TRIM67: variants seen among roughly 807,000 people sequenced by gnomAD.
TRIM67 encodes tripartite motif containing 67.
A neutral mutation model predicts 71.0 loss-of-function variants in TRIM67; 39 were observed. The observed-to-expected ratio is 0.55, with a 90% CI of 0.43 to 0.72. The LOEUF (loss-of-function observed/expected upper bound fraction) is 0.72, where lower values mean the gene tolerates loss of function less well. Ranked by LOEUF, TRIM67 falls within the 30% of genes least tolerant of loss-of-function variation. The pLI is 0.00. For synonymous variants in TRIM67, 481 were observed against 473.9 expected, an observed-to-expected ratio of 1.01 and a Z score of -0.19; for missense variants, 973 against 1,079.2, an observed-to-expected ratio of 0.90 and a Z score of 1.38.
chr1:231,214,172 G>A (rs577336177), intron 9 of TRIM67, among the ~76,000 whole-genome samples, 195 bp downstream of exon 9: 2 of 152,334 alleles, frequency 1.3e-5, no homozygotes, highest in Admixed American at 1.3e-4. Flanking sequence ...GGACACCCAG[G>A]GGCCCTAAGG....
Position 231,162,847 on chromosome 1 carries a change from T to C in TRIM67, c.-123T>C. On this transcript the variant is annotated 5_prime_UTR_variant, in exon 1 of 10. An upstream start codon of the reference 5' UTR is lost. Coordinates refer to ENST00000366653, the MANE Select transcript of TRIM67 (RefSeq NM_001004342.5). ...GTGCCCCTCGGCTGTGAAGTGGGCA[T>C]GCCCGTGTGATGCCCCCGCCCGTCG... 1.5e-6 allele frequency: 2 copies of C among 1,320,836 alleles called. No individual in the cohort carries two copies. Among genetic ancestry groups the C allele is most frequent in the East Asian group, 2.6e-5 (1 of 39,172 alleles). The allele number at this position is 1,320,836 out of a possible 1,614,324, so 81.8% of individuals were successfully genotyped here.
intron 6 of TRIM67, among the ~76,000 whole-genome samples, chr1:231,206,273 A>T (rs1683693033): frequency 1.3e-5 from 2 of 148,506 alleles, no homozygotes; most frequent in African/African-American, 5.0e-5. Context: ...CTACTAAAAT[A>T]TATATATATA....
chr1:231,184,873 G>C (rs117023265), intron 1 of TRIM67: 182 of 716,286 alleles, frequency 2.5e-4, no homozygotes, highest in East Asian at 2.4e-3. Context: ...GTGAGGACAC[G>C]AAGTCTCACA....
intron 2 of TRIM67, among the ~76,000 whole-genome samples, chr1:231,198,098 C>T (rs886514840): frequency 6.6e-6 from 1 of 152,186 alleles, no homozygotes; most frequent in African/African-American, 2.4e-5. Context: ...TGTCGTCGTC[C>T]TTTGTGGCAT....
rs1034654994 is a variant in TRIM67, at chr1:231,218,624, C to T, written c.*3184C>T. Reference sequence around the variant, plus strand: ...GTTCTCCTTGGGAAAATAATGATTCCAATTAAAGAGGACACCAGTAATACT... The same window carrying T: ...GTTCTCCTTGGGAAAATAATGATTCTAATTAAAGAGGACACCAGTAATACT... On this transcript the variant is annotated 3_prime_UTR_variant, in exon 10 of 10. Transcript: ENST00000366653. 5.8e-5 allele frequency: 57 copies of T among 985,286 alleles called. No individual in the cohort carries two copies. The highest frequency in any genetic ancestry group is 6.9e-5 in the Non-Finnish European group (57 of 829,930). The allele number at this position is 985,286 out of a possible 1,614,324, so 61.0% of individuals were successfully genotyped here.
chr1:231,197,706 T>C (rs1006443694), intron 2 of TRIM67, among the ~76,000 whole-genome samples: 1 of 152,142 alleles, frequency 6.6e-6, no homozygotes, highest in Non-Finnish European at 1.5e-5. Context: ...ATGCCTGTAA[T>C]CCCAGCTACT....
intron 6 of TRIM67, among the ~76,000 whole-genome samples, 157 bp downstream of exon 6, chr1:231,204,169 G>A (rs889623260): frequency 6.6e-6 from 1 of 152,222 alleles, no homozygotes; most frequent in Non-Finnish European, 1.5e-5. Flanking sequence ...GGCGGAGATG[G>A]GGCTTCCCTC....
intron 1 of TRIM67, among the ~76,000 whole-genome samples, chr1:231,176,388 AG>A (rs1682750188): frequency 6.6e-6 from 1 of 152,200 alleles, no homozygotes; most frequent in Admixed American, 6.5e-5. Flanking sequence ...GAGATTAGGA[AG>A]GGGAAGAGGG....
rs1683813349 is a variant in TRIM67 at position 231,209,609 on chromosome 1, TA to T, written c.2123+361del. ...CCAAGCTTGGGTTGCTGCAGGGTGT[TA>T]ATGGGCACCACTGGGGCTGGTGTCC... On this transcript the variant is annotated intron_variant, in intron 8 of 9. Coordinates refer to ENST00000366653, the MANE Select transcript of TRIM67 (RefSeq NM_001004342.5). The surrounding 1 kb of genome is among the most constrained non-coding windows in gnomAD (Gnocchi z 4.1). Among the ~76,000 whole-genome samples the T allele has an allele frequency of 6.6e-6, 1 of 152,210 alleles. No homozygotes were observed. Among genetic ancestry groups the T allele is most frequent in the Non-Finnish European group, 1.5e-5 (1 of 68,032 alleles).
intron 5 of TRIM67, among the ~76,000 whole-genome samples, chr1:231,203,620 C>T (rs1683612745): frequency 6.6e-6 from 1 of 152,184 alleles, no homozygotes; most frequent in African/African-American, 2.4e-5. Context: ...TCTGCCACGG[C>T]CCCCTGAGAT....
rs770103307 is a variant in TRIM67, at chr1:231,204,027, C to T, written c.1680+15C>T. ...GACAGTTCCGGGTGAGGCCTTGCTG[C>T]TTATTTGGCGGGGATTGAGGGTACC... is the stretch of plus-strand genomic sequence containing the variant. On this transcript the variant is annotated intron_variant, in intron 6 of 9. Coordinates refer to ENST00000366653, the MANE Select transcript of TRIM67 (RefSeq NM_001004342.5). The T allele has an allele frequency of 2.5e-6, 4 of 1,613,434 alleles. 1 individual carries two copies. In the South Asian group the frequency reaches 4.4e-5, roughly 18 times the overall value.
At chr1:231,167,772 G>C (rs1682515638) in intron 1 of TRIM67, among the ~76,000 whole-genome samples, 1 of 152,014 alleles carries the variant, frequency 6.6e-6, no homozygotes, top group Admixed American at 6.5e-5. Context: ...ACGTCTTAAG[G>C]CTCTGCCAAA....
At chr1:231,169,991 C>CTTTTTTTTTTTTTTTTTTTTTTTTTT (rs1342320930) in intron 1 of TRIM67, among the ~76,000 whole-genome samples, 1 of 130,176 alleles carries the variant, frequency 7.7e-6, no homozygotes, top group East Asian at 2.1e-4. Flanking sequence ...TTTTCTTTCT[C>CTTTTTTTTTTTTTTTTTTTTTTTTTT]TCTTTTTTTT....
At chr1:231,201,915 T>C (rs922569411) in intron 5 of TRIM67, among the ~76,000 whole-genome samples, 1 of 104,476 alleles carries the variant, frequency 9.6e-6, no homozygotes, top group Non-Finnish European at 2.0e-5. Context: ...ACTAAACAAA[T>C]GTATAATAGA....
chr1:231,181,923 A>G (rs568978177), intron 1 of TRIM67, among the ~76,000 whole-genome samples: 1 of 152,370 alleles, frequency 6.6e-6, no homozygotes, highest in East Asian at 1.9e-4. Flanking sequence ...TAGAAACATA[A>G]GCCTAGCACT....
Position 231,163,212 on chromosome 1 carries a change from C to A in TRIM67, c.243C>A (p.Gly81=). The change falls in exon 1 of 10, where the codon GGC becomes GGA. Residue 81 remains glycine, a synonymous_variant. Transcript: ENST00000366653. ...CTGGCCCGGCCTGCGGCGGTGCAGGCGGGAGTGCAGCTGGCGGCCTCGGCG... is the reference window on the plus strand; with the variant it reads ...CTGGCCCGGCCTGCGGCGGTGCAGGAGGGAGTGCAGCTGGCGGCCTCGGCG... ...AAAGPACGGA[G]GSAAGGLGGG... 2.0e-6 allele frequency: 3 copies of A among 1,495,430 alleles called. No individual in the cohort carries two copies. Among genetic ancestry groups the A allele is most frequent in the East Asian group, 5.5e-5 (2 of 36,536 alleles). The allele number at this position is 1,495,430 out of a possible 1,614,324, so 92.6% of individuals were successfully genotyped here.
chr1:231,184,719 C>T (rs1188943841), intron 1 of TRIM67: 6 of 444,366 alleles, frequency 1.4e-5, no homozygotes, highest in East Asian at 4.2e-5. Flanking sequence ...CTGCAGCTGT[C>T]GGGGAAGCTC....
intron 8 of TRIM67, among the ~76,000 whole-genome samples, chr1:231,212,114 G>C (rs2102764039): frequency 6.6e-6 from 1 of 152,226 alleles, no homozygotes. Context: ...GAAGGGGAGG[G>C]GGACTCAAAT....
intron 5 of TRIM67, among the ~76,000 whole-genome samples, 200 bp downstream of exon 5, chr1:231,201,717 C>A (rs906206773): frequency 6.6e-6 from 1 of 152,168 alleles, no homozygotes; most frequent in Non-Finnish European, 1.5e-5. Context: ...TGAGAAGCAC[C>A]AGTCAGAATC....
Sources: gnomAD v4.1 joint callset for allele counts (sites outside exome capture counted in the v4.1 genomes callset) on GRCh38, gnomAD v4.1.1 for gene constraint, Gnocchi (gnomAD v3.1) non-coding constraint, MANE v1.5 for transcripts, NCBI Gene and HGNC (gene_info 2026-07-23, HGNC 2026-07-21) for gene names.